The following GALNT11 variants were observed in gnomAD, a reference collection of about 807,000 sequenced individuals.
GALNT11 encodes polypeptide N-acetylgalactosaminyltransferase 11.
In GALNT11, 47 loss-of-function variants were observed where a neutral mutation model predicts 72.7. The ratio of observed to expected loss-of-function variants is 0.65; its 90% CI spans 0.51 to 0.82. The LOEUF (loss-of-function observed/expected upper bound fraction) is 0.82, where lower values mean the gene tolerates loss of function less well. GALNT11 is among the 40% of genes least tolerant of loss of function. The probability of loss-of-function intolerance (pLI) is 0.00; values close to 1 mark genes in which losing one functional copy is unlikely to be tolerated. For synonymous variants in GALNT11, 270 were observed against 286.6 expected, an observed-to-expected ratio of 0.94 and a Z score of 0.58; for missense variants, 677 against 778.4, an observed-to-expected ratio of 0.87 and a Z score of 1.55.
chr7:152,119,387 C>T (rs2089206695), intron 10 of GALNT11: 1 of 151,976 alleles, frequency 6.6e-6, no homozygotes, highest in South Asian at 2.1e-4. Context: ...GCAGTCTAAT[C>T]TCATAAATTG....
intron 2 of GALNT11, among the ~76,000 whole-genome samples, chr7:152,097,414 A>G (rs1057049421): frequency 6.6e-6 from 1 of 152,214 alleles, no homozygotes; most frequent in Non-Finnish European, 1.5e-5. Flanking sequence ...GGAATGGAAA[A>G]TAGTGCAGCC....
At chr7:152,095,778 C>T (rs1413984928) in intron 2 of GALNT11, among the ~76,000 whole-genome samples, 1 of 152,114 alleles carries the variant, frequency 6.6e-6, no homozygotes, top group Non-Finnish European at 1.5e-5. Context: ...TGAATAGACT[C>T]TGTATTTGCT....
chr7:152,048,816 T>C (rs1396610531), intron 1 of GALNT11, among the ~76,000 whole-genome samples: 1 of 151,694 alleles, frequency 6.6e-6, no homozygotes, highest in East Asian at 1.9e-4. Context: ...TCATTCTTGT[T>C]TTTTTCTTTT....
chr7:152,064,799 G>T (rs951651810), intron 1 of GALNT11, among the ~76,000 whole-genome samples: 3 of 152,204 alleles, frequency 2.0e-5, no homozygotes, highest in African/African-American at 7.2e-5. Context: ...CTTCTGGCTT[G>T]TAGAGTTTCT....
At chr7:152,099,018 T>C (rs2086575280) in intron 2 of GALNT11, among the ~76,000 whole-genome samples, 1 of 152,130 alleles carries the variant, frequency 6.6e-6, no homozygotes, top group South Asian at 2.1e-4. Context: ...GATCTTGGCT[T>C]GCTGCATTCG....
At chr7:152,069,209 T>C (rs1470320109) in intron 1 of GALNT11, among the ~76,000 whole-genome samples, 1 of 152,336 alleles carries the variant, frequency 6.6e-6, no homozygotes, top group East Asian at 1.9e-4. Context: ...TATTTAGAAA[T>C]GTGTTAATTT....
chr7:152,087,576 A>G (rs1166791454), intron 1 of GALNT11, among the ~76,000 whole-genome samples: 1 of 152,198 alleles, frequency 6.6e-6, no homozygotes, highest in Non-Finnish European at 1.5e-5. Context: ...ATTATATGTT[A>G]AGTCTAGATC....
At position 152,040,120 on chromosome 7, in the gene GALNT11, G is replaced by A. The variant is rs146735709; in HGVS notation, c.-39+14236G>A. Among the ~76,000 whole-genome samples the A allele has an allele frequency of 7.6e-3, 1,158 of 151,900 alleles. 9 individuals are homozygous for A. Among genetic ancestry groups the A allele is most frequent in the Non-Finnish European group, 0.011 (750 of 67,976 alleles). On this transcript the variant is annotated intron_variant, in intron 1 of 11. Transcript: ENST00000430044. Reference sequence around the variant, plus strand: ...ATAGAGAAAAATGTAGCTAGAGCTTGGCTAGTATAGCCTGGGGTATTATCT... The same window carrying A: ...ATAGAGAAAAATGTAGCTAGAGCTTAGCTAGTATAGCCTGGGGTATTATCT...
At chr7:152,071,067 A>C (rs1390629283) in intron 1 of GALNT11, among the ~76,000 whole-genome samples, 1 of 152,266 alleles carries the variant, frequency 6.6e-6, no homozygotes, top group Non-Finnish European at 1.5e-5. Context: ...GGGAGAGATC[A>C]CAGGACTACA....
At chr7:152,034,953 G>A (rs917480165) in intron 1 of GALNT11, among the ~76,000 whole-genome samples, 6 of 152,150 alleles carry the variant, frequency 3.9e-5, no homozygotes, top group African/African-American at 1.4e-4. Context: ...AGGGTCCTAA[G>A]CATTCTCCAG....
At chr7:152,078,700 T>C (rs2085132195) in intron 1 of GALNT11, among the ~76,000 whole-genome samples, 1 of 152,212 alleles carries the variant, frequency 6.6e-6, no homozygotes, top group African/African-American at 2.4e-5. Flanking sequence ...TTTTCAGAAT[T>C]CTGCTGAGAG....
chr7:152,079,661 G>A (rs183047148), intron 1 of GALNT11, among the ~76,000 whole-genome samples: 13 of 152,282 alleles, frequency 8.5e-5, no homozygotes, highest in Non-Finnish European at 1.0e-4. Flanking sequence ...TTCAGCAATC[G>A]CCTTATGTGT....
Position 152,112,694 on chromosome 7 carries a change from C to T in GALNT11, c.1081-552C>T, listed in dbSNP as rs116603045. Among the ~76,000 whole-genome samples the T allele has an allele frequency of 4.7e-3, 715 of 152,074 alleles. 7 individuals carry two copies. Among genetic ancestry groups the T allele is most frequent in the African/African-American group, 0.017 (689 of 41,502 alleles). On this transcript the variant is annotated intron_variant, in intron 7 of 11. Coordinates refer to ENST00000430044, the MANE Select transcript of GALNT11 (RefSeq NM_022087.4). ...ATAAGGCAATCTAATCCCACAAAAA[C>T]GAACTTAACTCCAAAGTAATTCAGA...
chr7:152,065,004 T>A (rs905027187), intron 1 of GALNT11, among the ~76,000 whole-genome samples: 9 of 152,210 alleles, frequency 5.9e-5, no homozygotes, highest in Non-Finnish European at 1.2e-4. Flanking sequence ...TGGCCTGCCT[T>A]GCTAGGTTGG....
rs760903182 is a variant in GALNT11 at position 152,100,921 on chromosome 7, C to T, written c.419C>T (p.Ala140Val). The change falls in exon 3 of 12, where the codon GCA (alanine) becomes GTA (valine). Residue 140 changes from alanine (A) to valine (V), a missense_variant and splice_region_variant. Ala to Val is a moderately conservative substitution (Grantham distance 64). Transcript: ENST00000430044. ...HRDVPDTRNA[A>V]CKEKFYPPDL... The stretch of plus-strand genomic sequence containing the variant: ...GATGTGCCAGACACAAGGAATGCAG[C>T]GTATGTGCCTTATCGGATTTGCAAA... The T allele has an allele frequency of 1.1e-5, 17 of 1,613,166 alleles. No homozygotes were observed. Among genetic ancestry groups the T allele is most frequent in the Middle Eastern group, 1.7e-4 (1 of 6,052 alleles).
Position 152,071,786 on chromosome 7 carries a change from C to G in GALNT11, c.-38-22404C>G, listed in dbSNP as rs1263156572. On this transcript the variant is annotated intron_variant, in intron 1 of 11. Coordinates refer to ENST00000430044, the MANE Select transcript of GALNT11 (RefSeq NM_022087.4). ...CCATGAAATCTTCACAATCCACGTT[C>G]TTCTGCCATGGCTTCAGCTAGTCCC... is the stretch of plus-strand genomic sequence containing the variant. Among the ~76,000 whole-genome samples the G allele has an allele frequency of 2.0e-5, 3 of 152,168 alleles. No homozygotes were observed. In the East Asian group the frequency reaches 5.8e-4, roughly 29 times the overall value.
At chr7:152,096,737 A>G (rs2086410917) in intron 2 of GALNT11, among the ~76,000 whole-genome samples, 1 of 152,000 alleles carries the variant, frequency 6.6e-6, no homozygotes, top group South Asian at 2.1e-4. Flanking sequence ...AAAAAAGTGA[A>G]AAAAGACAAC....
intron 1 of GALNT11, among the ~76,000 whole-genome samples, chr7:152,086,679 A>G (rs1387275409): frequency 1.3e-5 from 2 of 152,120 alleles, no homozygotes; most frequent in African/African-American, 4.8e-5. Flanking sequence ...AAACTTTTTC[A>G]TTTTGCCCTT....
intron 6 of GALNT11, 125 bp from the exon 7 acceptor site, chr7:152,110,403 G>T (rs2088054838): frequency 2.6e-6 from 2 of 765,396 alleles, no homozygotes; most frequent in Non-Finnish European, 4.5e-6. Flanking sequence ...TGGATAAAAT[G>T]ATTCATAATC....
Sources: gnomAD v4.1 joint callset for allele counts (sites outside exome capture counted in the v4.1 genomes callset) on GRCh38, gnomAD v4.1.1 for gene constraint, MANE v1.5 for transcripts, NCBI Gene and HGNC (gene_info 2026-07-23, HGNC 2026-07-21) for gene names.